Variants in RAB38 observed in about 807,000 individuals in gnomAD.
The protein encoded by RAB38 is ras-related protein Rab-38.
Under a neutral mutation model 18.4 loss-of-function variants are expected in RAB38, and 15 were observed. That is an observed-to-expected ratio of 0.82 (90% CI 0.55 to 1.26). The LOEUF (loss-of-function observed/expected upper bound fraction) is 1.26, where lower values mean the gene tolerates loss of function less well. Ranked by LOEUF, RAB38 falls within the 50% of genes most tolerant of loss-of-function variation. The probability of loss-of-function intolerance (pLI) is 0.00; values close to 1 mark genes in which losing one functional copy is unlikely to be tolerated. For synonymous variants in RAB38, 101 were observed against 104.4 expected, an observed-to-expected ratio of 0.97 and a Z score of 0.20; for missense variants, 294 against 267.4, an observed-to-expected ratio of 1.10 and a Z score of -0.69.
the RAB38 span, among the ~76,000 whole-genome samples, chr11:88,093,413 G>T: frequency 9.9e-5 from 15 of 151,692 alleles, no homozygotes; most frequent in African/African-American, 3.6e-4. Context: ...TATTTCAGGG[G>T]TAATAAAAAC....
the RAB38 span, among the ~76,000 whole-genome samples, chr11:87,850,343 T>C: frequency 6.6e-6 from 1 of 152,236 alleles, no homozygotes; most frequent in African/African-American, 2.4e-5. Flanking sequence ...TTCATAACCT[T>C]AGAGGTTACA....
chr11:87,807,829 T>C, the RAB38 span, among the ~76,000 whole-genome samples: 1 of 152,194 alleles, frequency 6.6e-6, no homozygotes, highest in Non-Finnish European at 1.5e-5. Flanking sequence ...ATAGAAAAGC[T>C]GCAATGTGGA....
At chr11:87,928,129 G>A in the RAB38 span, among the ~76,000 whole-genome samples, 1 of 151,790 alleles carries the variant, frequency 6.6e-6, no homozygotes, top group Non-Finnish European at 1.5e-5. Context: ...AAGGAAGAGA[G>A]AGAAACTATC....
intron 2 of RAB38, among the ~76,000 whole-genome samples, chr11:88,119,059 G>A (rs1440921990): frequency 2.0e-5 from 3 of 152,000 alleles, no homozygotes; most frequent in Non-Finnish European, 4.4e-5. Context: ...ACATTACAAT[G>A]AATCCTAGGA....
At chr11:87,833,566 T>G in the RAB38 span, among the ~76,000 whole-genome samples, 1 of 152,224 alleles carries the variant, frequency 6.6e-6, no homozygotes, top group Non-Finnish European at 1.5e-5. Context: ...GCACTTACTT[T>G]ATACCAGGCA....
chr11:87,903,083 T>TA, the RAB38 span, among the ~76,000 whole-genome samples: 1 of 151,318 alleles, frequency 6.6e-6, no homozygotes, highest in Non-Finnish European at 1.5e-5. Context: ...TTTGCCTAAT[T>TA]ACATTAACTA....
chr11:88,144,662 A>C (rs1942958325), intron 2 of RAB38, among the ~76,000 whole-genome samples: 1 of 152,234 alleles, frequency 6.6e-6, no homozygotes, highest in Non-Finnish European at 1.5e-5. Flanking sequence ...ATTTAACGTA[A>C]GAAAGCTTCT....
chr11:88,070,233 C>A, the RAB38 span, among the ~76,000 whole-genome samples: 1 of 152,052 alleles, frequency 6.6e-6, no homozygotes, highest in East Asian at 1.9e-4. Context: ...CAACTCTGGA[C>A]GGGAGGAGTG....
At chr11:88,019,206 C>A in the RAB38 span, among the ~76,000 whole-genome samples, 1 of 152,038 alleles carries the variant, frequency 6.6e-6, no homozygotes, top group Non-Finnish European at 1.5e-5. Flanking sequence ...ATTTTTCCAC[C>A]TATACCACAA....
chr11:88,029,297 G>T, the RAB38 span, among the ~76,000 whole-genome samples: 4 of 151,740 alleles, frequency 2.6e-5, no homozygotes, highest in Non-Finnish European at 5.9e-5. Flanking sequence ...AAAGACCATC[G>T]AGACTAGGAA....
the RAB38 span, among the ~76,000 whole-genome samples, chr11:87,862,113 C>G: frequency 6.6e-6 from 1 of 151,994 alleles, no homozygotes; most frequent in Non-Finnish European, 1.5e-5. Flanking sequence ...GGCAATTCCT[C>G]AAAGACCTAA....
chr11:87,822,224 A>T, the RAB38 span, among the ~76,000 whole-genome samples: 2 of 152,196 alleles, frequency 1.3e-5, no homozygotes, highest in African/African-American at 4.8e-5. Flanking sequence ...AATCCAAAAT[A>T]CATAAAAAAT....
the RAB38 span, among the ~76,000 whole-genome samples, chr11:87,916,136 G>C: frequency 6.6e-6 from 1 of 152,020 alleles, no homozygotes; most frequent in Non-Finnish European, 1.5e-5. Context: ...CTTTTGTTTT[G>C]GTGCTAACAC....
chr11:87,844,221 TA>T, the RAB38 span, among the ~76,000 whole-genome samples: 1 of 152,196 alleles, frequency 6.6e-6, no homozygotes, highest in Admixed American at 6.5e-5. Context: ...TTACTCTTTT[TA>T]AAATCTGCTT....
At chr11:87,829,383 T>A in the RAB38 span, among the ~76,000 whole-genome samples, 1 of 152,280 alleles carries the variant, frequency 6.6e-6, no homozygotes, top group East Asian at 1.9e-4. Context: ...TACCTGAGAC[T>A]GGGTAATTTA....
the RAB38 span, among the ~76,000 whole-genome samples, chr11:88,040,680 A>C: frequency 6.6e-6 from 1 of 152,010 alleles, no homozygotes; most frequent in Non-Finnish European, 1.5e-5. Context: ...TCCAGCCTGG[A>C]CAACAGAGGG....
chr11:87,859,746 T>C, the RAB38 span, among the ~76,000 whole-genome samples: 2 of 152,066 alleles, frequency 1.3e-5, no homozygotes, highest in African/African-American at 2.4e-5. Context: ...GGATTAACAA[T>C]AGGTCAACAG....
chr11:88,033,638 A>G, the RAB38 span, among the ~76,000 whole-genome samples: 2 of 150,490 alleles, frequency 1.3e-5, no homozygotes, highest in Non-Finnish European at 3.0e-5. Flanking sequence ...GTGTGTCTTT[A>G]GTTCTTGCAA....
At chr11:87,916,578 A>G in the RAB38 span, among the ~76,000 whole-genome samples, 2 of 152,038 alleles carry the variant, frequency 1.3e-5, no homozygotes, top group African/African-American at 4.8e-5. Context: ...TGCTTCTCAT[A>G]CTTCCCAGCC....
Sources: allele counts gnomAD v4.1 joint callset (sites outside exome capture counted in the v4.1 genomes callset), GRCh38; gene constraint gnomAD v4.1.1; transcripts MANE v1.5; gene names NCBI Gene and HGNC (gene_info 2026-07-23, HGNC 2026-07-21).